The following HSPA12A variants were observed in gnomAD, a reference collection of about 807,000 sequenced individuals.
HSPA12A encodes heat shock protein family A (Hsp70) member 12A.
A neutral mutation model predicts 69.2 loss-of-function variants in HSPA12A; 28 were observed. That is an observed-to-expected ratio of 0.40 (90% CI 0.30 to 0.55). HSPA12A has a LOEUF of 0.55. HSPA12A is among the 20% of genes least tolerant of loss of function. The pLI is 0.38. For missense variants in HSPA12A, 686 were observed against 900.7 expected, an observed-to-expected ratio of 0.76 and a Z score of 3.05; for synonymous variants, 345 against 370.5, an observed-to-expected ratio of 0.93 and a Z score of 0.79.
At chr10:116,677,634 A>G (rs190826955) in intron 10 of HSPA12A, among the ~76,000 whole-genome samples, 36 of 152,350 alleles carry the variant, frequency 2.4e-4, no homozygotes, top group African/African-American at 8.4e-4. Context: ...AAGACCTGAC[A>G]TGAAATCTGC....
intron 9 of HSPA12A, 65 bp from the exon 10 acceptor site, chr10:116,679,826 G>C (rs1283381420): frequency 1.3e-6 from 2 of 1,558,626 alleles, no homozygotes; most frequent in South Asian, 1.2e-5. Flanking sequence ...TCCAGACTCT[G>C]AGAAACAGGC....
At chr10:116,763,349 G>A (rs898933594) in intron 2 of HSPA12A, among the ~76,000 whole-genome samples, 11 of 152,104 alleles carry the variant, frequency 7.2e-5, no homozygotes, top group African/African-American at 2.7e-4. Context: ...AAATGACACC[G>A]GTGAAACACG....
At chr10:116,767,400 C>A (rs1039481368) in intron 2 of HSPA12A, among the ~76,000 whole-genome samples, 2 of 152,158 alleles carry the variant, frequency 1.3e-5, no homozygotes, top group Non-Finnish European at 2.9e-5. Context: ...ACTGTCCCTG[C>A]AGAGCTAAGG....
chr10:116,796,914 G>A (rs942450467), intron 2 of HSPA12A, among the ~76,000 whole-genome samples: 1 of 152,008 alleles, frequency 6.6e-6, no homozygotes, highest in Non-Finnish European at 1.5e-5. Flanking sequence ...TCATTTTTCC[G>A]CCCACTTCAA....
At chr10:116,741,893 C>G (rs1554887217) in intron 1 of HSPA12A, among the ~76,000 whole-genome samples, 1 of 152,214 alleles carries the variant, frequency 6.6e-6, no homozygotes, top group Admixed American at 6.5e-5. Context: ...GCAGCTGCAG[C>G]CCCCACTCCT....
At chr10:116,800,003 G>A (rs1198907963) in intron 2 of HSPA12A, among the ~76,000 whole-genome samples, 1 of 152,044 alleles carries the variant, frequency 6.6e-6, no homozygotes, top group Non-Finnish European at 1.5e-5. Flanking sequence ...TTTTTTCCAG[G>A]GTATCAATGA....
chr10:116,795,181 A>G (rs1337818705), intron 2 of HSPA12A, among the ~76,000 whole-genome samples: 2 of 152,280 alleles, frequency 1.3e-5, no homozygotes, highest in African/African-American at 4.8e-5. Context: ...GCCTTCTTCC[A>G]CCCTGCAAGG....
intron 1 of HSPA12A, among the ~76,000 whole-genome samples, chr10:116,837,334 C>A (rs998048734): frequency 6.6e-6 from 1 of 152,184 alleles, no homozygotes; most frequent in East Asian, 1.9e-4. Context: ...ACTTACGACA[C>A]GCCATGCTGC....
intron 2 of HSPA12A, among the ~76,000 whole-genome samples, chr10:116,806,351 T>G (rs1193616684): frequency 6.6e-6 from 1 of 152,122 alleles, no homozygotes; most frequent in Non-Finnish European, 1.5e-5. Flanking sequence ...CTATACAGGC[T>G]TGAGCCACCA....
intron 6 of HSPA12A, among the ~76,000 whole-genome samples, chr10:116,690,431 C>CG (rs1849703267): frequency 6.6e-6 from 1 of 152,140 alleles, no homozygotes; most frequent in Non-Finnish European, 1.5e-5. Context: ...GAATGATCGC[C>CG]GCCCTCTTTA....
intron 3 of HSPA12A, 152 bp from the exon 4 acceptor site, chr10:116,701,281 CA>C: frequency 1.5e-6 from 1 of 678,168 alleles, no homozygotes; most frequent in South Asian, 1.9e-5. Flanking sequence ...ACTAGAGACA[CA>C]ACTTCAGTTA....
In HSPA12A at chr10:116,807,605, T is replaced by C. The variant is rs73385391; in HGVS notation, c.91+27330A>G. On this transcript the variant is annotated intron_variant, in intron 2 of 12. Transcript: ENST00000635765. The stretch of plus-strand genomic sequence containing the variant: ...TCTACTCCTTCAGGCCATTAGCTAC[T>C]AGGTCAGCGGGTCGTCCCCATTTCT... Among the ~76,000 whole-genome samples, 708 of 152,318 alleles carry C rather than the reference T, an allele frequency of 4.6e-3. 3 individuals are homozygous for C. Among genetic ancestry groups the C allele is most frequent in the African/African-American group, 0.016 (675 of 41,564 alleles).
intron 2 of HSPA12A, among the ~76,000 whole-genome samples, chr10:116,826,773 G>A (rs1845514454): frequency 6.6e-6 from 1 of 152,072 alleles, no homozygotes; most frequent in Admixed American, 6.5e-5. Flanking sequence ...AATGAATGGG[G>A]GACTATGTGG....
chr10:116,734,594 C>T (rs1851255114), intron 1 of HSPA12A, among the ~76,000 whole-genome samples: 1 of 150,158 alleles, frequency 6.7e-6, no homozygotes, highest in African/African-American at 2.4e-5. Flanking sequence ...GGGAATGGAA[C>T]AATACTAAAA....
chr10:116,727,130 A>G (rs1408589330), intron 1 of HSPA12A, among the ~76,000 whole-genome samples: 1 of 152,364 alleles, frequency 6.6e-6, no homozygotes, highest in East Asian at 1.9e-4. Flanking sequence ...GGACTATATC[A>G]GTTATCTATT....
intron 2 of HSPA12A, among the ~76,000 whole-genome samples, chr10:116,765,809 G>A (rs551624603): frequency 7.9e-5 from 12 of 152,284 alleles, no homozygotes; most frequent in African/African-American, 2.9e-4. Flanking sequence ...TTCACCCAGT[G>A]TTCCCAGTCT....
At chr10:116,845,576 C>T (rs1358358330) in intron 1 of HSPA12A, among the ~76,000 whole-genome samples, 1 of 152,102 alleles carries the variant, frequency 6.6e-6, no homozygotes, top group Non-Finnish European at 1.5e-5. Context: ...TGGATATGTT[C>T]CAGGAACACT....
intron 2 of HSPA12A, among the ~76,000 whole-genome samples, chr10:116,818,797 T>C (rs946474895): frequency 3.3e-4 from 50 of 152,126 alleles, no homozygotes; most frequent in Middle Eastern, 3.2e-3. Flanking sequence ...TTTCCATCAG[T>C]GAGTGTAAAA....
intron 1 of HSPA12A, among the ~76,000 whole-genome samples, chr10:116,734,706 A>G (rs1242202513): frequency 2.1e-5 from 3 of 144,998 alleles, no homozygotes; most frequent in Non-Finnish European, 1.5e-5. Context: ...AAAAAAGTGC[A>G]TTCTGGGCTG....
Sources: gnomAD v4.1 joint callset for allele counts (sites outside exome capture counted in the v4.1 genomes callset) on GRCh38, gnomAD v4.1.1 for gene constraint, MANE v1.5 for transcripts, NCBI Gene and HGNC (gene_info 2026-07-23, HGNC 2026-07-21) for gene names.